SUGCT: variants seen among roughly 807,000 people sequenced by gnomAD.
SUGCT encodes succinyl-CoA:glutarate CoA-transferase.
SUGCT carries 41 observed loss-of-function variants against 55.0 expected under a neutral mutation model. The ratio of observed to expected loss-of-function variants is 0.74; its 90% CI spans 0.58 to 0.97. The LOEUF is 0.97. SUGCT is among the 50% of genes least tolerant of loss of function. The pLI, the probability that SUGCT is intolerant of heterozygous loss-of-function variation, is 0.00. For missense variants in SUGCT, 568 were observed against 547.8 expected (o/e 1.04, Z -0.37); for synonymous variants, 187 against 200.4 (o/e 0.93, Z 0.56).
intron 9 of SUGCT, among the ~76,000 whole-genome samples, chr7:40,355,866 T>G (rs1797862075): frequency 6.6e-6 from 1 of 152,254 alleles, no homozygotes; most frequent in African/African-American, 2.4e-5. Context: ...GCCAAGTAGT[T>G]ATATCAATCC....
At chr7:40,458,425 GGA>G (rs776833134) in intron 10 of SUGCT, among the ~76,000 whole-genome samples, 11 of 152,236 alleles carry the variant, frequency 7.2e-5, no homozygotes, top group Non-Finnish European at 1.3e-4. Context: ...GAGCAAAAGA[GGA>G]AATCTATAAA....
chr7:40,954,163 C>T, the SUGCT span, among the ~76,000 whole-genome samples: 1 of 152,310 alleles, frequency 6.6e-6, no homozygotes, highest in East Asian at 1.9e-4. Context: ...GGGTGCCCCT[C>T]CCCCAGCCTT....
chr7:40,928,050 T>C, the SUGCT span, among the ~76,000 whole-genome samples: 3 of 152,038 alleles, frequency 2.0e-5, no homozygotes, highest in Non-Finnish European at 4.4e-5. Context: ...CTCTTTTCTT[T>C]ATATTATTTA....
At chr7:40,223,425 G>A (rs1037149778) in intron 6 of SUGCT, among the ~76,000 whole-genome samples, 1 of 152,168 alleles carries the variant, frequency 6.6e-6, no homozygotes, top group African/African-American at 2.4e-5. Context: ...ATTCCATTGA[G>A]TGACGAAGGG....
the SUGCT span, among the ~76,000 whole-genome samples, chr7:40,960,157 C>T: frequency 6.6e-6 from 1 of 152,136 alleles, no homozygotes; most frequent in Admixed American, 6.5e-5. Context: ...ACCTTTGATG[C>T]CACATTGCCC....
the SUGCT span, among the ~76,000 whole-genome samples, chr7:40,999,497 G>A: frequency 5.3e-5 from 8 of 152,208 alleles, no homozygotes; most frequent in African/African-American, 1.9e-4. Context: ...TTAGGAGACT[G>A]TAGATTATAT....
chr7:40,353,920 G>C (rs975793573), intron 9 of SUGCT, among the ~76,000 whole-genome samples: 11 of 151,976 alleles, frequency 7.2e-5, no homozygotes, highest in African/African-American at 2.7e-4. Flanking sequence ...CATTTTTATG[G>C]CATTTGGTTT....
chr7:40,632,935 G>A (rs1799854859), intron 12 of SUGCT, among the ~76,000 whole-genome samples: 1 of 152,084 alleles, frequency 6.6e-6, no homozygotes, highest in African/African-American at 2.4e-5. Context: ...TTTTTCTTTA[G>A]CTAATTAAAA....
intron 11 of SUGCT, among the ~76,000 whole-genome samples, chr7:40,476,994 A>G (rs1472310991): frequency 6.6e-6 from 1 of 152,130 alleles, no homozygotes; most frequent in Non-Finnish European, 1.5e-5. Flanking sequence ...TCGGCTTTTA[A>G]TATCACAAAC....
At chr7:40,391,930 C>T (rs1161255435) in intron 9 of SUGCT, among the ~76,000 whole-genome samples, 2 of 152,128 alleles carry the variant, frequency 1.3e-5, no homozygotes, top group African/African-American at 4.8e-5. Flanking sequence ...ATGACACACA[C>T]ACACCATGGA....
At chr7:41,006,909 A>C in the SUGCT span, among the ~76,000 whole-genome samples, 19 of 152,340 alleles carry the variant, frequency 1.2e-4, no homozygotes, top group Middle Eastern at 3.4e-3. Flanking sequence ...AAGAATAACT[A>C]TCTGAAGATT....
At chr7:40,328,746 T>A (rs1448637654) in intron 9 of SUGCT, among the ~76,000 whole-genome samples, 2 of 151,866 alleles carry the variant, frequency 1.3e-5, no homozygotes, top group African/African-American at 4.8e-5. Context: ...TGTGTATGTG[T>A]GTGCATGTGT....
At chr7:40,581,436 C>T (rs1226647102) in intron 12 of SUGCT, among the ~76,000 whole-genome samples, 1 of 152,156 alleles carries the variant, frequency 6.6e-6, no homozygotes, top group Non-Finnish European at 1.5e-5. Context: ...CCTTGATTTA[C>T]TTTCAAAACT....
intron 6 of SUGCT, among the ~76,000 whole-genome samples, chr7:40,203,163 TAAC>T (rs1786711639): frequency 6.6e-6 from 1 of 152,196 alleles, no homozygotes. Context: ...TAGCATACAA[TAAC>T]AACTCTTTCC....
chr7:40,615,811 C>T lies in SUGCT; in HGVS notation c.1089+119425C>T, dbSNP rs534758678. Among the ~76,000 whole-genome samples, 4 of 152,312 alleles carry T rather than the reference C, an allele frequency of 2.6e-5. No individual in the cohort carries two copies. The South Asian group carries it at 8.3e-4, about 32-fold the overall frequency. ...TTTAATTTTAAGAAATGGGGCTTCC[C>T]ACCTTCTTCTGCTTCATCCTCCTGG... On this transcript the variant is annotated intron_variant, in intron 12 of 13. Coordinates refer to ENST00000335693, the MANE Select transcript of SUGCT (RefSeq NM_001193313.2).
At chr7:40,651,983 A>T (rs1656113817) in intron 12 of SUGCT, among the ~76,000 whole-genome samples, 1 of 151,872 alleles carries the variant, frequency 6.6e-6, no homozygotes, top group Non-Finnish European at 1.5e-5. Context: ...CCTTAAGATT[A>T]TTTGATCCCA....
intron 13 of SUGCT, among the ~76,000 whole-genome samples, chr7:40,784,715 A>G (rs1041131548): frequency 2.0e-4 from 30 of 152,210 alleles, no homozygotes; most frequent in African/African-American, 7.2e-4. Flanking sequence ...TAGTAGATGC[A>G]GGTACTACCT....
chr7:40,709,780 A>C (rs1785613247), intron 12 of SUGCT, among the ~76,000 whole-genome samples: 1 of 152,174 alleles, frequency 6.6e-6, no homozygotes, highest in South Asian at 2.1e-4. Flanking sequence ...GCAGTTCTCA[A>C]ACTTCAGTTT....
At chr7:40,477,807 G>A (rs948243297) in intron 11 of SUGCT, among the ~76,000 whole-genome samples, 2 of 152,136 alleles carry the variant, frequency 1.3e-5, no homozygotes, top group East Asian at 1.9e-4. Context: ...ATATTCTGGC[G>A]TGTTGCTTTC....
Sources: allele counts gnomAD v4.1 joint callset (sites outside exome capture counted in the v4.1 genomes callset), GRCh38; gene constraint gnomAD v4.1.1; transcripts MANE v1.5; gene names NCBI Gene and HGNC (gene_info 2026-07-23, HGNC 2026-07-21).